The following COL25A1 variants were observed in gnomAD, a reference collection of about 807,000 sequenced individuals.
The protein encoded by COL25A1 is collagen alpha-1(XXV) chain.
COL25A1 carries 103 observed loss-of-function variants against 128.4 expected under a neutral mutation model. That is an observed-to-expected ratio of 0.80 (90% CI 0.68 to 0.94). The LOEUF (loss-of-function observed/expected upper bound fraction) is 0.94. Among genes scored for constraint, COL25A1 ranks in the 40% least tolerant of loss-of-function variants. The pLI, the probability that COL25A1 is intolerant of heterozygous loss-of-function variation, is 0.00. For synonymous variants in COL25A1, 279 were observed against 277.2 expected, an observed-to-expected ratio of 1.01 and a Z score of -0.06; for missense variants, 745 against 840.0, an observed-to-expected ratio of 0.89 and a Z score of 1.40.
chr4:109,169,408 G>A (rs1474591656), intron 3 of COL25A1, among the ~76,000 whole-genome samples: 1 of 152,140 alleles, frequency 6.6e-6, no homozygotes, highest in African/African-American at 2.4e-5. Context: ...TCATATTTGT[G>A]TGTATTCCCT....
intron 13 of COL25A1, among the ~76,000 whole-genome samples, chr4:108,905,901 C>T (rs923648134): frequency 2.6e-4 from 40 of 151,952 alleles, no homozygotes; most frequent in Middle Eastern, 3.4e-3. Flanking sequence ...AGCTCTGGCT[C>T]GGGACAGAGT....
chr4:109,217,060 CTCTTT>C (rs1406194235), intron 3 of COL25A1, among the ~76,000 whole-genome samples: 2 of 152,066 alleles, frequency 1.3e-5, no homozygotes, highest in African/African-American at 4.8e-5. Context: ...TACTTAATCT[CTCTTT>C]TCTTAATTTT....
intron 4 of COL25A1, 42 bp downstream of exon 4, chr4:109,050,093 C>T (rs1431997408): frequency 6.4e-7 from 1 of 1,557,776 alleles, no homozygotes; most frequent in Admixed American, 1.7e-5. Context: ...CGGAACTTAA[C>T]CAGAACATGA....
intron 3 of COL25A1, among the ~76,000 whole-genome samples, chr4:109,106,213 T>G (rs913480649): frequency 6.6e-6 from 1 of 152,178 alleles, no homozygotes; most frequent in Non-Finnish European, 1.5e-5. Flanking sequence ...TTTCCTACAG[T>G]AGGCTATTGT....
At chr4:109,071,191 T>A (rs1579275444) in intron 3 of COL25A1, among the ~76,000 whole-genome samples, 1 of 152,046 alleles carries the variant, frequency 6.6e-6, no homozygotes, top group South Asian at 2.1e-4. Context: ...AAACAAGAAA[T>A]GGGGAAAGGA....
intron 3 of COL25A1, among the ~76,000 whole-genome samples, chr4:109,110,657 C>T (rs1237787256): frequency 6.6e-6 from 1 of 152,056 alleles, no homozygotes; most frequent in East Asian, 1.9e-4. Flanking sequence ...ATTTTTCCTG[C>T]TCCAACTTTT....
intron 13 of COL25A1, among the ~76,000 whole-genome samples, chr4:108,903,432 A>G (rs1472902394): frequency 6.6e-6 from 1 of 152,014 alleles, no homozygotes; most frequent in Non-Finnish European, 1.5e-5. Context: ...ATTTGTGAAC[A>G]CTGTCTTGTG....
At chr4:109,240,486 A>G (rs1197805925) in intron 3 of COL25A1, among the ~76,000 whole-genome samples, 1 of 152,064 alleles carries the variant, frequency 6.6e-6, no homozygotes, top group Non-Finnish European at 1.5e-5. Flanking sequence ...CATACTTCTC[A>G]TTAATATATG....
At position 108,983,763 on chromosome 4, in the gene COL25A1, G is replaced by A. The variant is rs145221075; in HGVS notation, c.439-9204C>T. On this transcript the variant is annotated intron_variant, in intron 6 of 37. Transcript: ENST00000399132. ...TAAGGCGGTGCGTCTGGAGTTGCTC[G>A]TTCCTCCCTGTGGGTTCGTGGTCTC... 2.6e-5 allele frequency among the ~76,000 whole-genome samples: 4 copies of A among 151,548 alleles called. No individual in the cohort carries two copies. The South Asian group carries it at 6.3e-4, about 24-fold the overall frequency.
intron 3 of COL25A1, among the ~76,000 whole-genome samples, chr4:109,290,003 T>A (rs1230286103): frequency 2.0e-5 from 3 of 152,060 alleles, no homozygotes; most frequent in Non-Finnish European, 4.4e-5. Context: ...ACAGATGTAA[T>A]AACTTGAAAA....
intron 3 of COL25A1, among the ~76,000 whole-genome samples, chr4:109,215,027 G>A (rs1777876601): frequency 6.6e-6 from 1 of 152,102 alleles, no homozygotes; most frequent in Non-Finnish European, 1.5e-5. Flanking sequence ...ATTGCCTTTT[G>A]ATGAACATTT....
intron 11 of COL25A1, among the ~76,000 whole-genome samples, chr4:108,926,544 G>A (rs112807117): frequency 3.6e-4 from 55 of 152,140 alleles, no homozygotes; most frequent in Non-Finnish European, 7.1e-4. Context: ...ATGATAACAC[G>A]TATACTCTAA....
At chr4:108,837,582 AAAAC>A (rs1313719785) in intron 31 of COL25A1, among the ~76,000 whole-genome samples, 1 of 152,208 alleles carries the variant, frequency 6.6e-6, no homozygotes, top group African/African-American at 2.4e-5. Context: ...GGGAATTTTC[AAAAC>A]AAACAACATA....
chr4:108,988,175 G>A lies in COL25A1; in HGVS notation c.439-13616C>T, dbSNP rs558615099. Among the ~76,000 whole-genome samples, 18 of 152,266 alleles carry A rather than the reference G, an allele frequency of 1.2e-4. No individual in the cohort carries two copies. In the South Asian group the frequency reaches 3.7e-3, roughly 31 times the overall value. On this transcript the variant is annotated intron_variant, in intron 6 of 37. Transcript: ENST00000399132. Reference sequence around the variant, plus strand: ...ATAATTACCTCATATGCAAGTTGTAGAAAGTAATTAAAAGAATGCAGGTTT... The same window carrying A: ...ATAATTACCTCATATGCAAGTTGTAAAAAGTAATTAAAAGAATGCAGGTTT...
chr4:109,224,504 A>G (rs937509349), intron 3 of COL25A1, among the ~76,000 whole-genome samples: 1 of 151,786 alleles, frequency 6.6e-6, no homozygotes, highest in African/African-American at 2.4e-5. Flanking sequence ...CTTGGGCTAC[A>G]TCTGTACTCC....
At chr4:108,942,209 C>A in intron 8 of COL25A1, 1 of 1,550,246 alleles carries the variant, frequency 6.5e-7, no homozygotes, top group Non-Finnish European at 8.7e-7. Context: ...AACCACAAAC[C>A]TTGACGGTGA....
At chr4:109,107,825 T>G (rs924497520) in intron 3 of COL25A1, among the ~76,000 whole-genome samples, 1 of 152,084 alleles carries the variant, frequency 6.6e-6, no homozygotes, top group Admixed American at 6.5e-5. Context: ...AAATCCAAGC[T>G]CTTTGTTCTT....
At chr4:108,873,752 T>C (rs1394565014) in intron 19 of COL25A1, among the ~76,000 whole-genome samples, 10 of 152,164 alleles carry the variant, frequency 6.6e-5, no homozygotes, top group Non-Finnish European at 1.3e-4. Context: ...TATGAGACAA[T>C]ATCCATCTGC....
intron 37 of COL25A1, among the ~76,000 whole-genome samples, chr4:108,816,122 A>G (rs1192149369): frequency 6.6e-6 from 1 of 152,078 alleles, no homozygotes; most frequent in Non-Finnish European, 1.5e-5. Context: ...TTTTCATGAG[A>G]CCCATTTGAC....
Sources: allele counts gnomAD v4.1 joint callset (sites outside exome capture counted in the v4.1 genomes callset), GRCh38; gene constraint gnomAD v4.1.1; transcripts MANE v1.5; gene names NCBI Gene and HGNC (gene_info 2026-07-23, HGNC 2026-07-21).